Variants in ATP11A observed in about 807,000 individuals in gnomAD.
The protein encoded by ATP11A is phospholipid-transporting ATPase IH.
In ATP11A, 81 loss-of-function variants were observed where a neutral mutation model predicts 154.4. That is an observed-to-expected ratio of 0.52 (90% CI 0.44 to 0.63). The LOEUF (loss-of-function observed/expected upper bound fraction) is 0.63. ATP11A is among the 30% of genes least tolerant of loss of function. The probability of loss-of-function intolerance (pLI) is 0.00; values close to 1 mark genes in which losing one functional copy is unlikely to be tolerated. For missense variants in ATP11A, 1,316 were observed against 1,474.3 expected, an observed-to-expected ratio of 0.89 and a Z score of 1.76; for synonymous variants, 623 against 585.9, an observed-to-expected ratio of 1.06 and a Z score of -0.91.
chr13:112,784,583 G>A lies in ATP11A; in HGVS notation c.40-552G>A, dbSNP rs1336475239. Among the ~76,000 whole-genome samples the A allele has an allele frequency of 2.6e-5, 4 of 151,218 alleles. No individual in the cohort carries two copies. The East Asian group carries it at 7.8e-4, about 29-fold the overall frequency. ...CTGTCCCCCAGGCTGGAGTGCAGTG[G>A]TGCTATCTCGGTCACTGCAAGCTCC... On this transcript the variant is annotated intron_variant, in intron 1 of 29. Transcript: ENST00000375645.
At chr13:112,712,976 T>C (rs1420678305) in intron 1 of ATP11A, among the ~76,000 whole-genome samples, 1 of 152,230 alleles carries the variant, frequency 6.6e-6, no homozygotes, top group East Asian at 1.9e-4. Context: ...TTTGTTTGAA[T>C]GTTTGAAAGA....
intron 1 of ATP11A, among the ~76,000 whole-genome samples, chr13:112,691,031 G>A (rs924750377): frequency 5.9e-5 from 9 of 152,188 alleles, no homozygotes; most frequent in Admixed American, 1.3e-4. Context: ...AGAAGTCCGG[G>A]GTCTTCTTGG....
chr13:112,805,167 T>A (rs1377003402), intron 3 of ATP11A, 121 bp downstream of exon 3: 1 of 657,510 alleles, frequency 1.5e-6, no homozygotes, highest in Non-Finnish European at 2.5e-6. Context: ...TCACCTATGA[T>A]TAATTTATTT....
chr13:112,694,867 ATTTTTGCTTCCCGAGAAC>A (rs986662119), intron 1 of ATP11A, among the ~76,000 whole-genome samples: 7 of 152,190 alleles, frequency 4.6e-5, no homozygotes, highest in African/African-American at 1.7e-4. Flanking sequence ...AAAAATAAAC[ATTTTTGCTTCCCGAGAAC>A]TTGAAGCAGT....
intron 7 of ATP11A, 108 bp downstream of exon 7, chr13:112,819,515 G>C: frequency 1.2e-6 from 1 of 868,848 alleles, no homozygotes; most frequent in South Asian, 1.5e-5. Context: ...GAAAGAGAAT[G>C]TAAATCACTG....
chr13:112,750,948 C>T (rs961145373), intron 1 of ATP11A, among the ~76,000 whole-genome samples: 1 of 152,258 alleles, frequency 6.6e-6, no homozygotes, highest in African/African-American at 2.4e-5. Context: ...GCCATTCTAA[C>T]TTCATCGGTG....
chr13:112,825,021 T>C (rs2078897126), intron 10 of ATP11A, among the ~76,000 whole-genome samples: 1 of 152,170 alleles, frequency 6.6e-6, no homozygotes, highest in Admixed American at 6.5e-5. Flanking sequence ...CTCCCTCTCT[T>C]CCTTCCTCTC....
At position 112,882,662 on chromosome 13, in the gene ATP11A, C is replaced by T; in HGVS notation, c.*796C>T. The T allele has an allele frequency of 2.5e-6, 1 of 400,294 alleles. No individual in the cohort carries two copies. Among genetic ancestry groups the T allele is most frequent in the South Asian group, 1.3e-4 (1 of 7,764 alleles). 24.8% of individuals were successfully genotyped at this position (400,294 alleles called of 1,614,324 possible). ...CGGCCGCCTCGTGGAGAAGGCAGTG[C>T]CACGTGGGAGGACAAGGCCACGCCG... On this transcript the variant is annotated 3_prime_UTR_variant, in exon 30 of 30. Coordinates refer to ENST00000375645, the MANE Select transcript of ATP11A (RefSeq NM_015205.3). The surrounding 1 kb of genome is among the most constrained non-coding windows in gnomAD (Gnocchi z 5.1).
At chr13:112,874,440 CAT>C (rs1266791266) in intron 27 of ATP11A, among the ~76,000 whole-genome samples, 4 of 152,180 alleles carry the variant, frequency 2.6e-5, no homozygotes, top group Non-Finnish European at 5.9e-5. Context: ...GTGAGAGCGA[CAT>C]AGGCAGGGTG....
chr13:112,882,259 G>GC lies in ATP11A; in HGVS notation c.*394dup, dbSNP rs1166507476. On this transcript the variant is annotated 3_prime_UTR_variant, in exon 30 of 30. Transcript: ENST00000375645. This position sits in a 1 kb window ranked among gnomAD's most constrained non-coding sequence, Gnocchi z 5.1. ...GAGGGACATTCTGCTGGCCCACCCT[G>GC]CGCGCTGTCATGCAGAGGCCATTCC... 1.7e-6 allele frequency: 1 copy of GC among 599,000 alleles called. No homozygotes were observed. Among genetic ancestry groups the GC allele is most frequent in the East Asian group, 6.5e-5 (1 of 15,272 alleles). 37.1% of individuals were successfully genotyped at this position (599,000 alleles called of 1,614,324 possible).
chr13:112,783,851 T>C (rs1051769626), intron 1 of ATP11A, among the ~76,000 whole-genome samples: 2 of 152,208 alleles, frequency 1.3e-5, no homozygotes, highest in Non-Finnish European at 2.9e-5. Context: ...ATATTTCTTG[T>C]CAGAGCTGTT....
intron 25 of ATP11A, among the ~76,000 whole-genome samples, chr13:112,870,116 G>A (rs567372399): frequency 1.8e-4 from 28 of 152,138 alleles, no homozygotes; most frequent in Non-Finnish European, 2.9e-4. Flanking sequence ...GCATTTCCAA[G>A]CCAGAAGGAG....
At chr13:112,717,304 T>C (rs1279000048) in intron 1 of ATP11A, 1 of 152,180 alleles carries the variant, frequency 6.6e-6, no homozygotes, top group Non-Finnish European at 1.5e-5. Context: ...CCAACTTGTT[T>C]TTCTACTCTT....
At chr13:112,764,432 A>T (rs951960160) in intron 1 of ATP11A, among the ~76,000 whole-genome samples, 1 of 152,156 alleles carries the variant, frequency 6.6e-6, no homozygotes, top group African/African-American at 2.4e-5. Flanking sequence ...TTGTTTCCTG[A>T]TGGAGGGGTT....
chr13:112,842,221 AT>A, intron 16 of ATP11A, 54 bp from the exon 17 acceptor site: 2 of 1,367,924 alleles, frequency 1.5e-6, no homozygotes, highest in African/African-American at 1.4e-5. Context: ...ATTTTAAAAA[AT>A]AATCTAGTCT....
rs895593309 is a variant in ATP11A, at chr13:112,834,582, A to G, written c.1560-7A>G. The G allele has an allele frequency of 6.2e-7, 1 of 1,608,300 alleles. No individual in the cohort carries two copies. Among genetic ancestry groups the G allele is most frequent in the Non-Finnish European group, 8.5e-7 (1 of 1,174,858 alleles). Reference sequence around the variant, plus strand: ...GATTCACCCCGAGGTTTCCCTTCTCATTGCAGACTTGGCTTTACCTACCTA... The same window carrying G: ...GATTCACCCCGAGGTTTCCCTTCTCGTTGCAGACTTGGCTTTACCTACCTA... On this transcript the variant is annotated splice_region_variant and splice_polypyrimidine_tract_variant and intron_variant, in intron 14 of 29. Coordinates refer to ENST00000375645, the MANE Select transcript of ATP11A (RefSeq NM_015205.3).
intron 1 of ATP11A, among the ~76,000 whole-genome samples, chr13:112,691,829 G>A (rs1885236892): frequency 6.6e-6 from 1 of 152,100 alleles, no homozygotes; most frequent in Admixed American, 6.5e-5. Flanking sequence ...ACCTCGGAGA[G>A]TCAAGGAGAC....
chr13:112,841,233 G>T (rs941701385), intron 16 of ATP11A, among the ~76,000 whole-genome samples: 1 of 147,912 alleles, frequency 6.8e-6, no homozygotes, highest in African/African-American at 2.5e-5. Flanking sequence ...GCGGACCACG[G>T]ATGCTTCAGG....
intron 17 of ATP11A, among the ~76,000 whole-genome samples, chr13:112,842,935 C>T (rs914568958): frequency 1.3e-5 from 2 of 152,238 alleles, no homozygotes; most frequent in African/African-American, 2.4e-5. Flanking sequence ...GGGGCTGCTG[C>T]GGTAGGGGGC....
Sources: allele counts gnomAD v4.1 joint callset (sites outside exome capture counted in the v4.1 genomes callset), GRCh38; gene constraint gnomAD v4.1.1; non-coding constraint Gnocchi (gnomAD v3.1); transcripts MANE v1.5; gene names NCBI Gene and HGNC (gene_info 2026-07-23, HGNC 2026-07-21).